CDK15: variants seen among roughly 807,000 people sequenced by gnomAD.
CDK15 encodes the protein cyclin-dependent kinase 15.
Under a neutral mutation model 60.3 loss-of-function variants are expected in CDK15, and 62 were observed. The observed-to-expected ratio is 1.03, with a 90% confidence interval of 0.84 to 1.27. CDK15 has a LOEUF of 1.27. Ranked by LOEUF, CDK15 falls within the 50% of genes most tolerant of loss-of-function variation. The pLI is 0.00. For missense variants in CDK15, 541 were observed against 527.8 expected (o/e 1.03, Z -0.25); for synonymous variants, 194 against 195.7 (o/e 0.99, Z 0.07).
At chr2:201,837,135 A>AT (rs891075659) in intron 8 of CDK15, among the ~76,000 whole-genome samples, 3 of 151,630 alleles carry the variant, frequency 2.0e-5, no homozygotes, top group African/African-American at 7.3e-5. Context: ...CTGTCTCTAC[A>AT]TTTTTCAAAA....
chr2:201,879,640 A>G (rs1312221588), intron 11 of CDK15, among the ~76,000 whole-genome samples: 2 of 152,190 alleles, frequency 1.3e-5, no homozygotes, highest in Non-Finnish European at 2.9e-5. Flanking sequence ...TCAGCCTCTC[A>G]GAGTTCGATC....
chr2:201,835,689 A>C lies in CDK15; in HGVS notation c.777A>C (p.Glu259Asp). 1 of 1,611,684 alleles carries C rather than the reference A, an allele frequency of 6.2e-7. No homozygotes were observed. The highest frequency in any genetic ancestry group is 8.5e-7 in the Non-Finnish European group (1 of 1,178,574). ...KSIPSQTYSS[E>D]VVTLWYRPPD... is the part of the protein sequence containing the mutation. ...TTCCCAGCCAGACATACTCTTCAGAAGTCGTGACCCTCTGGTACCGGCCCC... is the reference window on the plus strand; with the variant it reads ...TTCCCAGCCAGACATACTCTTCAGACGTCGTGACCCTCTGGTACCGGCCCC... The change falls in exon 8 of 14, where the codon GAA becomes GAC. Residue 259 changes from glutamate (E) to aspartate (D), a missense_variant. By Grantham distance (45) the Glu-to-Asp change is conservative (BLOSUM62 2). Transcript: ENST00000652192.
At chr2:201,867,899 C>T (rs532999106) in intron 10 of CDK15, among the ~76,000 whole-genome samples, 1 of 152,310 alleles carries the variant, frequency 6.6e-6, no homozygotes, top group Non-Finnish European at 1.5e-5. Context: ...AAATGATTCC[C>T]ATTTTACAGA....
chr2:201,849,917 C>G (rs932573789), intron 9 of CDK15, among the ~76,000 whole-genome samples: 21 of 152,072 alleles, frequency 1.4e-4, no homozygotes, highest in Admixed American at 1.4e-3. Flanking sequence ...CTCCACCTCC[C>G]CAGTTCAAGC....
intron 9 of CDK15, among the ~76,000 whole-genome samples, chr2:201,851,181 A>G (rs561753019): frequency 4.5e-4 from 68 of 150,656 alleles, no homozygotes; most frequent in Non-Finnish European, 4.1e-4. Flanking sequence ...AGTCCCAGCT[A>G]CTTGGGAGGC....
At chr2:201,886,817 A>G (rs1375636626) in intron 12 of CDK15, among the ~76,000 whole-genome samples, 1 of 152,202 alleles carries the variant, frequency 6.6e-6, no homozygotes, top group Non-Finnish European at 1.5e-5. Flanking sequence ...AAAAAATACA[A>G]ATTACCGTTA....
intron 12 of CDK15, among the ~76,000 whole-genome samples, chr2:201,884,917 A>G (rs1324945938): frequency 3.9e-5 from 6 of 152,218 alleles, no homozygotes; most frequent in Admixed American, 3.9e-4. Context: ...GTATATAAAC[A>G]GCTGCAGATC....
At position 201,882,790 on chromosome 2, in the gene CDK15, T is replaced by C. The variant is rs534923411; in HGVS notation, c.1198+2623T>C. 4.6e-5 allele frequency among the ~76,000 whole-genome samples: 7 copies of C among 151,682 alleles called. No homozygotes were observed. In the East Asian group the frequency reaches 1.2e-3, roughly 25 times the overall value. On this transcript the variant is annotated intron_variant, in intron 12 of 13. Transcript: ENST00000652192. This position sits in a 1 kb window ranked among gnomAD's most constrained non-coding sequence, Gnocchi z 4.0. ...AAGCAAAGCTACCAGGAAAGAAAAATAGAGGAAGAGACAGAAGCAGCCAGG... is the reference window on the plus strand; with the variant it reads ...AAGCAAAGCTACCAGGAAAGAAAAACAGAGGAAGAGACAGAAGCAGCCAGG...
At chr2:201,821,973 G>A (rs1024720664) in intron 4 of CDK15, among the ~76,000 whole-genome samples, 2 of 152,180 alleles carry the variant, frequency 1.3e-5, no homozygotes, top group South Asian at 4.1e-4. Context: ...GCGCTACCAC[G>A]CCCGGCCTCA....
chr2:201,812,449 A>G (rs773338420), intron 3 of CDK15, 34 bp from the exon 4 acceptor site: 1 of 1,500,332 alleles, frequency 6.7e-7, no homozygotes, highest in Non-Finnish European at 9.3e-7. Context: ...GAACCACCTC[A>G]ATAAGTGTGT....
Position 201,872,301 on chromosome 2 carries a change from C to T in CDK15, c.1033C>T (p.Arg345Ter), listed in dbSNP as rs370382391. ...NPEWFPLPTP[R>*]SLHVVWNRLG... The stretch of plus-strand genomic sequence containing the variant: ...AGAATGGTTCCCACTGCCTACGCCT[C>T]GAAGCCTTCATGTTGTCTGGAACAG... The change falls in exon 11 of 14, where the codon CGA becomes TGA. Residue 345 changes from arginine (R) to a stop codon, truncating the protein, a stop_gained. Coordinates refer to ENST00000652192, the MANE Select transcript of CDK15 (RefSeq NM_001366386.2). LOFTEE classifies it high-confidence loss of function. The T allele has an allele frequency of 1.4e-5, 22 of 1,613,920 alleles. No homozygotes were observed. The highest frequency in any genetic ancestry group is 4.5e-5 in the East Asian group (2 of 44,880).
intron 4 of CDK15, among the ~76,000 whole-genome samples, chr2:201,813,757 GT>G (rs1695873831): frequency 6.6e-6 from 1 of 152,208 alleles, no homozygotes; most frequent in African/African-American, 2.4e-5. Flanking sequence ...CAGAAAATGA[GT>G]TTATAACTGA....
At chr2:201,850,301 G>A (rs1697852041) in intron 9 of CDK15, among the ~76,000 whole-genome samples, 1 of 152,074 alleles carries the variant, frequency 6.6e-6, no homozygotes. Flanking sequence ...TTTAAAATAT[G>A]ACATACTATC....
intron 6 of CDK15, among the ~76,000 whole-genome samples, chr2:201,828,811 A>G (rs777412973): frequency 6.6e-6 from 1 of 152,180 alleles, no homozygotes; most frequent in African/African-American, 2.4e-5. Context: ...TGGGTTTTGC[A>G]TAGGCTTCAT....
rs1316820472 is a variant in CDK15 at position 201,893,669 on chromosome 2, T to C, written c.*402T>C. Reference sequence around the variant, plus strand: ...AAGAATCTGGAGACAGAGCTGGTGCTTACAGAGACCTGCCACTCCTGTGTT... The same window carrying C: ...AAGAATCTGGAGACAGAGCTGGTGCCTACAGAGACCTGCCACTCCTGTGTT... On this transcript the variant is annotated 3_prime_UTR_variant, in exon 14 of 14. Transcript: ENST00000652192. 1 of 152,164 alleles carries C rather than the reference T, an allele frequency of 6.6e-6. No individual in the cohort carries two copies. The highest frequency in any genetic ancestry group is 1.9e-4 in the East Asian group (1 of 5,194). The allele number at this position is 152,164 out of a possible 1,614,324, so 9.4% of individuals were successfully genotyped here.
chr2:201,878,025 A>T (rs1321134117), intron 11 of CDK15, among the ~76,000 whole-genome samples: 1 of 152,230 alleles, frequency 6.6e-6, no homozygotes, highest in African/African-American at 2.4e-5. Flanking sequence ...GGTGTATTTG[A>T]CATTAAGTAA....
At chr2:201,824,366 A>G (rs759937137) in intron 6 of CDK15, among the ~76,000 whole-genome samples, 1 of 151,820 alleles carries the variant, frequency 6.6e-6, no homozygotes, top group East Asian at 1.9e-4. Flanking sequence ...TTATTTATGT[A>G]TTCATTTATT....
intron 10 of CDK15, among the ~76,000 whole-genome samples, chr2:201,863,909 C>G (rs555924241): frequency 2.0e-5 from 3 of 151,970 alleles, no homozygotes; most frequent in Non-Finnish European, 4.4e-5. Context: ...AAAACAACAA[C>G]AACAACAAAA....
At chr2:201,808,388 A>T (rs1161433305) in intron 3 of CDK15, among the ~76,000 whole-genome samples, 2 of 152,350 alleles carry the variant, frequency 1.3e-5, no homozygotes, top group African/African-American at 2.4e-5. Flanking sequence ...TGGCCTTTAT[A>T]GAAGAAACTG....
Sources: gnomAD v4.1 joint callset for allele counts (sites outside exome capture counted in the v4.1 genomes callset) on GRCh38, gnomAD v4.1.1 for gene constraint, Gnocchi (gnomAD v3.1) non-coding constraint, MANE v1.5 for transcripts, NCBI Gene and HGNC (gene_info 2026-07-23, HGNC 2026-07-21) for gene names.